PTPRK: variants seen among roughly 807,000 people sequenced by gnomAD.
The protein encoded by PTPRK is protein tyrosine phosphatase receptor type K.
PTPRK carries 75 observed loss-of-function variants against 178.0 expected under a neutral mutation model. The ratio of observed to expected loss-of-function variants is 0.42; its 90% confidence interval spans 0.35 to 0.51. The LOEUF (loss-of-function observed/expected upper bound fraction) is 0.51, where lower values mean the gene tolerates loss of function less well. PTPRK is among the 20% of genes least tolerant of loss of function. The pLI is 0.02. For synonymous variants in PTPRK, 637 were observed against 620.6 expected (o/e 1.03, Z -0.39); for missense variants, 1,441 against 1,797.8 (o/e 0.80, Z 3.59).
At chr6:128,386,982 C>A (rs181649356) in intron 2 of PTPRK, among the ~76,000 whole-genome samples, 43 of 152,220 alleles carry the variant, frequency 2.8e-4, no homozygotes, top group African/African-American at 1.0e-3. Flanking sequence ...GCAGGAGAAT[C>A]GGTTGAACCC....
intron 1 of PTPRK, among the ~76,000 whole-genome samples, chr6:128,482,950 C>A (rs946780129): frequency 6.6e-6 from 1 of 152,158 alleles, no homozygotes; most frequent in Admixed American, 6.6e-5. Context: ...CCACTTGATG[C>A]ACCAACATTG....
intron 2 of PTPRK, among the ~76,000 whole-genome samples, chr6:128,375,342 A>G (rs563349849): frequency 3.3e-5 from 5 of 151,958 alleles, no homozygotes; most frequent in Non-Finnish European, 7.4e-5. Flanking sequence ...GGCAAGGAGG[A>G]GCAAGTTATG....
intron 6 of PTPRK, among the ~76,000 whole-genome samples, chr6:128,205,434 C>T (rs892755247): frequency 1.3e-5 from 2 of 151,826 alleles, no homozygotes; most frequent in Admixed American, 1.3e-4. Flanking sequence ...TGAAGAAAAA[C>T]AAAAGGAAAG....
intron 1 of PTPRK, among the ~76,000 whole-genome samples, chr6:128,425,986 T>C (rs1168147794): frequency 6.6e-6 from 1 of 152,242 alleles, no homozygotes; most frequent in Non-Finnish European, 1.5e-5. Flanking sequence ...CTCAGAATCT[T>C]TAATATGTAA....
chr6:127,982,727 T>C (rs2114634395), intron 24 of PTPRK, 104 bp downstream of exon 24: 2 of 996,106 alleles, frequency 2.0e-6, no homozygotes, highest in East Asian at 4.8e-5. Flanking sequence ...TAAAACAGGA[T>C]CAAAGGTTAT....
intron 3 of PTPRK, among the ~76,000 whole-genome samples, chr6:128,254,218 T>A (rs1270569012): frequency 6.6e-6 from 1 of 152,168 alleles, no homozygotes; most frequent in African/African-American, 2.4e-5. Flanking sequence ...GCCTGTGAAC[T>A]TTTATTTTCT....
intron 3 of PTPRK, among the ~76,000 whole-genome samples, chr6:128,308,660 C>A (rs551651031): frequency 6.6e-6 from 1 of 151,972 alleles, no homozygotes; most frequent in Non-Finnish European, 1.5e-5. Flanking sequence ...CAATTTTCGA[C>A]GCATGAAAGG....
chr6:127,977,719 G>T (rs1183384790), intron 25 of PTPRK, among the ~76,000 whole-genome samples: 1 of 152,102 alleles, frequency 6.6e-6, no homozygotes, highest in African/African-American at 2.4e-5. Context: ...AAGCACCAAA[G>T]CATAACAGCA....
Position 128,520,544 on chromosome 6 carries a change from C to CGCCG in PTPRK, c.-190_-187dup. 1 of 581,344 alleles carries CGCCG rather than the reference C, an allele frequency of 1.7e-6. No homozygotes were observed. The highest frequency in any genetic ancestry group is 3.1e-6 in the Non-Finnish European group (1 of 323,206). The allele number at this position is 581,344 out of a possible 1,614,324, so 36.0% of individuals were successfully genotyped here. A position where few individuals can be genotyped will look rare whatever the true frequency, so the allele number is the denominator to read the frequency against. ...TCAGGGGCGAAAGCGTCGCCAGCGT[C>CGCCG]GCCGGCCGGCCGCGGCGGCAGCTCT... On this transcript the variant is annotated 5_prime_UTR_variant, in exon 1 of 30. The change abolishes the stop of an existing upstream ORF in the 5' untranslated region. Coordinates refer to ENST00000368226, the MANE Select transcript of PTPRK (RefSeq NM_002844.4).
chr6:127,988,300 C>CA (rs1776205452), intron 21 of PTPRK, among the ~76,000 whole-genome samples: 1 of 117,668 alleles, frequency 8.5e-6, no homozygotes. Flanking sequence ...TTATGCTAAC[C>CA]TTTTTTTTTT....
chr6:128,493,571 A>T (rs34558551), intron 1 of PTPRK, among the ~76,000 whole-genome samples: 11,151 of 147,750 alleles, frequency 0.075, 752 homozygotes, highest in African/African-American at 0.17. Flanking sequence ...AAAAAAAAAA[A>T]AAAAGTACCT....
intron 8 of PTPRK, among the ~76,000 whole-genome samples, chr6:128,089,129 A>AT (rs1258938503): frequency 6.6e-6 from 1 of 152,064 alleles, no homozygotes; most frequent in Non-Finnish European, 1.5e-5. Context: ...CACCCAGTTA[A>AT]TTTTTGGAAT....
intron 1 of PTPRK, among the ~76,000 whole-genome samples, chr6:128,459,547 A>G (rs1848776322): frequency 6.6e-6 from 1 of 152,222 alleles, no homozygotes; most frequent in South Asian, 2.1e-4. Flanking sequence ...TGAACCAGTG[A>G]AACAGCACAG....
intron 7 of PTPRK, among the ~76,000 whole-genome samples, chr6:128,145,106 A>G (rs1284686056): frequency 6.6e-6 from 1 of 152,188 alleles, no homozygotes; most frequent in African/African-American, 2.4e-5. Flanking sequence ...ATCAATCAGA[A>G]TAAGCTTTTA....
chr6:128,297,756 G>A (rs1562234553), intron 3 of PTPRK, among the ~76,000 whole-genome samples: 1 of 152,104 alleles, frequency 6.6e-6, no homozygotes, highest in Non-Finnish European at 1.5e-5. Flanking sequence ...AGCACTAAAT[G>A]CCCACAAGAG....
chr6:128,343,813 A>G (rs1198356497), intron 2 of PTPRK, among the ~76,000 whole-genome samples: 2 of 152,190 alleles, frequency 1.3e-5, no homozygotes, highest in African/African-American at 4.8e-5. Flanking sequence ...CAAAGTCCTT[A>G]TATCTCCCAA....
intron 6 of PTPRK, among the ~76,000 whole-genome samples, chr6:128,212,008 T>C (rs1306108014): frequency 6.6e-6 from 1 of 152,070 alleles, no homozygotes; most frequent in East Asian, 1.9e-4. Flanking sequence ...AGTGTAACTT[T>C]TTAAAGCCAA....
chr6:128,063,776 A>C (rs1781279781), intron 13 of PTPRK, among the ~76,000 whole-genome samples: 1 of 152,236 alleles, frequency 6.6e-6, no homozygotes, highest in Non-Finnish European at 1.5e-5. Context: ...CAAGCGTCAA[A>C]GAGAAAGTCT....
chr6:128,258,720 C>T (rs1046997260), intron 3 of PTPRK, among the ~76,000 whole-genome samples: 5 of 152,044 alleles, frequency 3.3e-5, no homozygotes, highest in Middle Eastern at 3.2e-3. Flanking sequence ...AGGGTAGAGA[C>T]GGGGTAATTA....
Sources: gnomAD v4.1 joint callset for allele counts (sites outside exome capture counted in the v4.1 genomes callset) on GRCh38, gnomAD v4.1.1 for gene constraint, MANE v1.5 for transcripts, NCBI Gene and HGNC (gene_info 2026-07-23, HGNC 2026-07-21) for gene names.